NALF1: variants seen among roughly 807,000 people sequenced by gnomAD.
NALF1 encodes the protein family with sequence similarity 155 member A.
NALF1 carries 3 observed loss-of-function variants against 48.4 expected under a neutral mutation model. That is an observed-to-expected ratio of 0.06 (90% CI 0.03 to 0.16). NALF1 has a LOEUF of 0.16. NALF1 is among the 10% of genes least tolerant of loss of function. NALF1 has a pLI of 1.00. For missense variants in NALF1, 526 were observed against 571.5 expected, an observed-to-expected ratio of 0.92 and a Z score of 0.81; for synonymous variants, 262 against 245.7, an observed-to-expected ratio of 1.07 and a Z score of -0.62.
At chr13:107,385,542 G>T (rs1333311495) in intron 1 of NALF1, among the ~76,000 whole-genome samples, 2 of 123,260 alleles carry the variant, frequency 1.6e-5, no homozygotes, top group South Asian at 2.8e-4. Flanking sequence ...GCCAGAGCGA[G>T]ATTCCATCTC....
intron 1 of NALF1, among the ~76,000 whole-genome samples, chr13:107,581,962 T>G (rs1878324845): frequency 6.6e-6 from 1 of 152,166 alleles, no homozygotes; most frequent in Non-Finnish European, 1.5e-5. Flanking sequence ...CCTTTGGACA[T>G]TTACTTTTCA....
chr13:107,373,415 TGA>T (rs1883281304), intron 1 of NALF1, among the ~76,000 whole-genome samples: 1 of 152,162 alleles, frequency 6.6e-6, no homozygotes, highest in African/African-American at 2.4e-5. Flanking sequence ...ATGAACTGAC[TGA>T]GTTTCCAGTG....
At chr13:107,388,563 C>T (rs761733876) in intron 1 of NALF1, among the ~76,000 whole-genome samples, 6 of 152,270 alleles carry the variant, frequency 3.9e-5, no homozygotes, top group Non-Finnish European at 5.9e-5. Context: ...CCACACAAGA[C>T]ACATCAGGTA....
chr13:107,212,702 T>C (rs1224717103), intron 1 of NALF1, among the ~76,000 whole-genome samples: 2 of 152,246 alleles, frequency 1.3e-5, no homozygotes, highest in African/African-American at 4.8e-5. Flanking sequence ...ACATTTATTA[T>C]GTAAACTAAG....
At chr13:107,295,182 T>A (rs529809419) in intron 1 of NALF1, among the ~76,000 whole-genome samples, 23 of 152,280 alleles carry the variant, frequency 1.5e-4, no homozygotes, top group African/African-American at 5.5e-4. Context: ...CTTGTGCCCA[T>A]CTTTGTGTCC....
At chr13:107,259,878 T>A (rs1409998136) in intron 1 of NALF1, among the ~76,000 whole-genome samples, 1 of 151,906 alleles carries the variant, frequency 6.6e-6, no homozygotes, top group Non-Finnish European at 1.5e-5. Context: ...AATCACATAT[T>A]TAACAATGAA....
intron 1 of NALF1, among the ~76,000 whole-genome samples, chr13:107,460,760 C>T (rs1884904645): frequency 6.6e-6 from 1 of 152,102 alleles, no homozygotes. Flanking sequence ...TTGCTTTTCT[C>T]TCAATTCATA....
At chr13:107,511,540 T>C (rs1236428267) in intron 1 of NALF1, among the ~76,000 whole-genome samples, 1 of 152,192 alleles carries the variant, frequency 6.6e-6, no homozygotes, top group Admixed American at 6.5e-5. Context: ...TTAACAAGTC[T>C]GCTACGGTGA....
intron 1 of NALF1, among the ~76,000 whole-genome samples, chr13:107,709,803 G>A (rs558376187): frequency 6.6e-6 from 1 of 152,286 alleles, no homozygotes; most frequent in African/African-American, 2.4e-5. Flanking sequence ...AATAATTACA[G>A]TGCTAAGATG....
chr13:107,214,713 C>A (rs771648105), intron 1 of NALF1, among the ~76,000 whole-genome samples: 1 of 152,152 alleles, frequency 6.6e-6, no homozygotes, highest in African/African-American at 2.4e-5. Flanking sequence ...GACAGCTGCC[C>A]ACCATACAGT....
In NALF1 at chr13:107,866,198, G is replaced by T. The variant is rs1334604293; in HGVS notation, c.399C>A (p.Pro133=). 2.5e-6 allele frequency: 4 copies of T among 1,602,058 alleles called. No individual in the cohort carries two copies. Among genetic ancestry groups the T allele is most frequent in the East Asian group, 2.2e-5 (1 of 44,766 alleles). The part of the protein sequence containing the change: ...LSASSSPTLP[P]SPGDGGGGGG... ...CGCCGCCGCCGCCGTCTCCCGGGGA[G>T]GGGGGCAGGGTGGGGGACGAGGAGG... Residue 133 remains proline, a synonymous_variant, in exon 1 of 3, where the codon CCC becomes CCA. Transcript: ENST00000375915. The surrounding 1 kb of genome is among the most constrained non-coding windows in gnomAD (Gnocchi z 4.4).
At chr13:107,576,062 G>T (rs1276614843) in intron 1 of NALF1, among the ~76,000 whole-genome samples, 1 of 152,000 alleles carries the variant, frequency 6.6e-6, no homozygotes, top group African/African-American at 2.4e-5. Flanking sequence ...CACATTTTGT[G>T]TCTCAGTCCT....
intron 1 of NALF1, among the ~76,000 whole-genome samples, chr13:107,366,455 T>C (rs772744975): frequency 3.9e-4 from 59 of 152,332 alleles, no homozygotes; most frequent in Non-Finnish European, 6.8e-4. Context: ...AAGGCCTGCC[T>C]ATGTGGATGA....
chr13:107,693,418 T>C (rs550377372), intron 1 of NALF1, among the ~76,000 whole-genome samples: 1 of 152,108 alleles, frequency 6.6e-6, no homozygotes, highest in African/African-American at 2.4e-5. Flanking sequence ...GCATGTATAC[T>C]TATGTAACAA....
chr13:107,856,853 A>G (rs1369488637), intron 1 of NALF1, among the ~76,000 whole-genome samples: 3 of 152,106 alleles, frequency 2.0e-5, no homozygotes, highest in Non-Finnish European at 4.4e-5. Context: ...CCATTTGTAC[A>G]TCTTCTGTGG....
chr13:107,625,295 C>T (rs537203084), intron 1 of NALF1, among the ~76,000 whole-genome samples: 2 of 151,990 alleles, frequency 1.3e-5, no homozygotes, highest in African/African-American at 2.4e-5. Flanking sequence ...AGGGGCTAAA[C>T]GAAAAGCACC....
chr13:107,787,927 T>C (rs1878122357), intron 1 of NALF1, among the ~76,000 whole-genome samples: 1 of 152,216 alleles, frequency 6.6e-6, no homozygotes, highest in African/African-American at 2.4e-5. Flanking sequence ...CTTTATCTTA[T>C]ATTACATCCT....
intron 1 of NALF1, among the ~76,000 whole-genome samples, chr13:107,717,661 T>C (rs1221157502): frequency 1.3e-5 from 2 of 151,986 alleles, no homozygotes; most frequent in South Asian, 2.1e-4. Flanking sequence ...AAGACTAATT[T>C]TCAAAACGAA....
intron 1 of NALF1, among the ~76,000 whole-genome samples, chr13:107,211,355 C>G (rs1364443413): frequency 6.6e-6 from 1 of 152,220 alleles, no homozygotes; most frequent in East Asian, 1.9e-4. Flanking sequence ...AAACACCCGA[C>G]ATAGAGCAGA....
Sources: gnomAD v4.1 joint callset for allele counts (sites outside exome capture counted in the v4.1 genomes callset) on GRCh38, gnomAD v4.1.1 for gene constraint, Gnocchi (gnomAD v3.1) non-coding constraint, MANE v1.5 for transcripts, NCBI Gene and HGNC (gene_info 2026-07-23, HGNC 2026-07-21) for gene names.